ABCD2: variants seen among roughly 807,000 people sequenced by gnomAD.
The protein encoded by ABCD2 is ATP-binding cassette sub-family D member 2.
A neutral mutation model predicts 70.9 loss-of-function variants in ABCD2; 36 were observed. That is an observed-to-expected ratio of 0.51 (90% CI 0.39 to 0.67). ABCD2 has a LOEUF of 0.67. Among genes scored for constraint, ABCD2 ranks in the 30% least tolerant of loss-of-function variants. The probability of loss-of-function intolerance (pLI) is 0.00; values close to 1 mark genes in which losing one functional copy is unlikely to be tolerated. For missense variants in ABCD2, 729 were observed against 890.2 expected (o/e 0.82, Z 2.30); for synonymous variants, 304 against 306.9 (o/e 0.99, Z 0.10).
rs1566593550 is a variant in ABCD2 at position 39,617,067 on chromosome 12, C to G, written c.1041G>C (p.Leu347=). The G allele has an allele frequency of 6.2e-7, 1 of 1,613,128 alleles. No individual in the cohort carries two copies. The highest frequency in any genetic ancestry group is 8.5e-7 in the Non-Finnish European group (1 of 1,179,554). The stretch of plus-strand genomic sequence containing the variant: ...CACTGCTGCTCCAAACATACTTCAT[C>G]AGGAACTGTTCTATCATGATGTACC... ...RLWYIMIEQF[L]MKYVWSSSGL... Residue 347 remains leucine, a synonymous_variant, in exon 2 of 10, where the codon CTG becomes CTC. Coordinates refer to ENST00000308666, the MANE Select transcript of ABCD2 (RefSeq NM_005164.4).
chr12:39,616,024 C>T (rs76086350), intron 2 of ABCD2, among the ~76,000 whole-genome samples: 16,049 of 152,018 alleles, frequency 0.11, 1,026 homozygotes, highest in Middle Eastern at 0.21. Flanking sequence ...TCTCATTTTA[C>T]AAATGAGGAA....
the ABCD2 span, among the ~76,000 whole-genome samples, chr12:39,533,449 T>C: frequency 2.0e-5 from 3 of 152,210 alleles, no homozygotes; most frequent in Non-Finnish European, 4.4e-5. Flanking sequence ...GAACAATTGA[T>C]GAGCCCTGAA....
At chr12:39,572,839 G>C (rs562408218) in intron 9 of ABCD2, among the ~76,000 whole-genome samples, 115 of 152,226 alleles carry the variant, frequency 7.6e-4, no homozygotes, top group African/African-American at 2.7e-3. Context: ...GGAGGCCAAA[G>C]CATATATAGA....
At chr12:39,542,448 C>A in the ABCD2 span, among the ~76,000 whole-genome samples, 1 of 143,636 alleles carries the variant, frequency 7.0e-6, no homozygotes, top group South Asian at 2.2e-4. Flanking sequence ...GGCAACAGAG[C>A]GAGACTCCAT....
rs776421572 is a variant in ABCD2 at position 39,619,317 on chromosome 12, A to T, written c.299T>A (p.Val100Glu). 1.9e-6 allele frequency: 3 copies of T among 1,614,204 alleles called. No individual in the cohort carries two copies. Among genetic ancestry groups the T allele is most frequent in the Non-Finnish European group, 2.5e-6 (3 of 1,180,038 alleles). The change falls in exon 1 of 10, where the codon GTG becomes GAG. Residue 100 changes from valine (V) to glutamate (E), a missense_variant. Around this residue, in one of 3 missense-constraint regions of ABCD2, gnomAD observed 245 missense variants for 261.2 expected, o/e 0.94. Coordinates refer to ENST00000308666, the MANE Select transcript of ABCD2 (RefSeq NM_005164.4). ...ELRKILFPKL[V>E]TTETGWLCLH... ...GCAGAGCCACCCTGTTTCAGTGGTC[A>T]CAAGTTTTGGAAACAAAATTTTCCG...
chr12:39,576,300 T>C (rs1308885671), intron 8 of ABCD2, among the ~76,000 whole-genome samples: 1 of 152,008 alleles, frequency 6.6e-6, no homozygotes, highest in Non-Finnish European at 1.5e-5. Context: ...GCTGGGACTA[T>C]AGGCGCCCGC....
intron 2 of ABCD2, among the ~76,000 whole-genome samples, chr12:39,615,545 AAACC>A (rs1323794612): frequency 6.6e-6 from 1 of 152,074 alleles, no homozygotes; most frequent in African/African-American, 2.4e-5. Context: ...TTGAAACATA[AAACC>A]AGATAAAATT....
chr12:39,569,460 C>G (rs561889819), intron 9 of ABCD2, among the ~76,000 whole-genome samples: 1 of 152,302 alleles, frequency 6.6e-6, no homozygotes, highest in East Asian at 1.9e-4. Flanking sequence ...GTGCCGTTTG[C>G]TAGGACTGTT....
downstream of ABCD2, among the ~76,000 whole-genome samples, chr12:39,547,100 A>G (rs149898580): frequency 9.1e-4 from 138 of 152,272 alleles, no homozygotes; most frequent in African/African-American, 3.1e-3. Context: ...GCTCAATATC[A>G]CTAATCATGA....
chr12:39,574,778 T>TA lies in ABCD2; in HGVS notation c.1878-938dup, dbSNP rs532175029. Among the ~76,000 whole-genome samples the TA allele has an allele frequency of 2.2e-4, 33 of 152,244 alleles. No homozygotes were observed. In the East Asian group the frequency reaches 6.0e-3, roughly 28 times the overall value. On this transcript the variant is annotated intron_variant, in intron 8 of 9. Coordinates refer to ENST00000308666, the MANE Select transcript of ABCD2 (RefSeq NM_005164.4). ...TTTAAAAATAAAATGACAAAAAAGT[T>TA]AAAAAAATGAAAATCAGTAATTTCT...
At chr12:39,576,527 C>T (rs1369282575) in intron 8 of ABCD2, among the ~76,000 whole-genome samples, 2 of 152,120 alleles carry the variant, frequency 1.3e-5, no homozygotes, top group Non-Finnish European at 2.9e-5. Flanking sequence ...AAATACACAT[C>T]ACTAAAAATC....
At chr12:39,606,172 T>A (rs1941966692) in intron 3 of ABCD2, among the ~76,000 whole-genome samples, 2 of 151,804 alleles carry the variant, frequency 1.3e-5, no homozygotes, top group South Asian at 4.2e-4. Context: ...AGGCAATGAG[T>A]CAGTGGATCA....
chr12:39,562,230 C>A (rs1305545137), intron 9 of ABCD2, among the ~76,000 whole-genome samples: 4 of 151,732 alleles, frequency 2.6e-5, no homozygotes, highest in African/African-American at 7.3e-5. Flanking sequence ...ATACCTGCAT[C>A]AAAATAGATT....
At position 39,581,846 on chromosome 12, in the gene ABCD2, C is replaced by T. The variant is rs543472294; in HGVS notation, c.1793-2227G>A. 4.6e-5 allele frequency among the ~76,000 whole-genome samples: 7 copies of T among 152,290 alleles called. No individual in the cohort carries two copies. In the South Asian group the frequency reaches 1.2e-3, roughly 27 times the overall value. ...AAAACTCTGAGTCATAATGTTGCCT[C>T]TGACCCTGATTTAGTGAGACAAAGT... On this transcript the variant is annotated intron_variant, in intron 7 of 9. Transcript: ENST00000308666.
At chr12:39,542,676 G>GTC in the ABCD2 span, among the ~76,000 whole-genome samples, 1 of 152,174 alleles carries the variant, frequency 6.6e-6, no homozygotes. Flanking sequence ...GGAGTATGAA[G>GTC]AGCAAGAAGA....
intron 6 of ABCD2, among the ~76,000 whole-genome samples, chr12:39,593,996 C>T (rs1941781220): frequency 6.6e-6 from 1 of 152,040 alleles, no homozygotes; most frequent in East Asian, 1.9e-4. Context: ...TGAATGATGG[C>T]CAAGTACCTA....
chr12:39,571,567 G>C (rs893977364), intron 9 of ABCD2, among the ~76,000 whole-genome samples: 48 of 152,074 alleles, frequency 3.2e-4, no homozygotes, highest in Admixed American at 2.1e-3. Context: ...CATCACTCTG[G>C]TCTTACAACA....
At chr12:39,599,385 T>C (rs915680823) in intron 6 of ABCD2, among the ~76,000 whole-genome samples, 14 of 152,240 alleles carry the variant, frequency 9.2e-5, no homozygotes, top group Admixed American at 5.9e-4. Flanking sequence ...AACACATTAA[T>C]GTCTAAAACA....
intron 9 of ABCD2, among the ~76,000 whole-genome samples, chr12:39,556,536 A>G (rs1169695674): frequency 6.6e-6 from 1 of 152,120 alleles, no homozygotes. Flanking sequence ...GCCTTCCACC[A>G]TGATTGTAAG....
Sources: allele counts gnomAD v4.1 joint callset (sites outside exome capture counted in the v4.1 genomes callset), GRCh38; gene constraint gnomAD v4.1.1; regional missense constraint gnomAD v4.1.1; transcripts MANE v1.5; gene names NCBI Gene and HGNC (gene_info 2026-07-23, HGNC 2026-07-21).